CPLANE1: variants seen among roughly 807,000 people sequenced by gnomAD.
CPLANE1 encodes the protein ciliogenesis and planar polarity effector 1.
A neutral mutation model predicts 362.5 loss-of-function variants in CPLANE1; 263 were observed. That is an observed-to-expected ratio of 0.73 (90% CI 0.66 to 0.80). CPLANE1 has a LOEUF of 0.80. Ranked by LOEUF, CPLANE1 falls within the 30% of genes least tolerant of loss-of-function variation. CPLANE1 has a pLI of 0.00. For missense variants in CPLANE1, 3,461 were observed against 3,793.4 expected (o/e 0.91, Z 2.30); for synonymous variants, 1,212 against 1,302.6 (o/e 0.93, Z 1.50).
chr5:37,130,949 T>C (rs1319014973), intron 46 of CPLANE1, among the ~76,000 whole-genome samples: 1 of 152,246 alleles, frequency 6.6e-6, no homozygotes, highest in Admixed American at 6.5e-5. Flanking sequence ...ATCTGTTCAC[T>C]GAAACAGTTA....
chr5:37,096,927 A>G, the CPLANE1 span, among the ~76,000 whole-genome samples: 22 of 152,220 alleles, frequency 1.4e-4, no homozygotes, highest in Non-Finnish European at 3.1e-4. Flanking sequence ...GCGTGGATGC[A>G]GTGAACAGGG....
At chr5:37,196,581 T>C (rs1787520078) in intron 20 of CPLANE1, among the ~76,000 whole-genome samples, 1 of 152,106 alleles carries the variant, frequency 6.6e-6, no homozygotes, top group South Asian at 2.1e-4. Flanking sequence ...AGCAAACACA[T>C]GTGCCATGTG....
In CPLANE1 at chr5:37,157,431, A is replaced by G. The variant is rs1775440273; in HGVS notation, c.8012-11T>C. On this transcript the variant is annotated splice_polypyrimidine_tract_variant and intron_variant, in intron 40 of 52. Coordinates refer to ENST00000651892, the MANE Select transcript of CPLANE1 (RefSeq NM_001384732.1). ...AAGCTGGAGTTACTTCTGCAGGTTT[A>G]GAAAATAAATCCATAGAGGAATTGG... is the stretch of plus-strand genomic sequence containing the variant. 2.7e-6 allele frequency: 4 copies of G among 1,492,120 alleles called. No homozygotes were observed. Among genetic ancestry groups the G allele is most frequent in the Non-Finnish European group, 3.6e-6 (4 of 1,110,508 alleles). 92.4% of individuals were successfully genotyped at this position (1,492,120 alleles called of 1,614,324 possible).
intron 16 of CPLANE1, chr5:37,210,792 C>T: frequency 8.4e-7 from 1 of 1,192,310 alleles, no homozygotes; most frequent in South Asian, 1.2e-5. Flanking sequence ...TCAGCTGGCT[C>T]CTGAACTTGC....
chr5:37,107,799 T>C (rs1240707673), intron 52 of CPLANE1, 21 bp from the exon 53 acceptor site: 6 of 1,575,404 alleles, frequency 3.8e-6, no homozygotes, highest in Non-Finnish European at 4.3e-6. Flanking sequence ...GAAAAGACAA[T>C]TGTGGTCCTA....
the CPLANE1 span, among the ~76,000 whole-genome samples, chr5:37,093,783 A>G: frequency 1.9e-4 from 29 of 152,288 alleles, no homozygotes; most frequent in East Asian, 3.9e-4. Flanking sequence ...GTTCAGTCAG[A>G]ATGGTGGGGA....
At chr5:37,153,018 A>G (rs936903960) in intron 42 of CPLANE1, among the ~76,000 whole-genome samples, 1 of 152,214 alleles carries the variant, frequency 6.6e-6, no homozygotes, top group Non-Finnish European at 1.5e-5. Context: ...AAATTATAAA[A>G]TCTTTCAGAG....
intron 46 of CPLANE1, among the ~76,000 whole-genome samples, chr5:37,137,453 C>T (rs1227880326): frequency 1.3e-5 from 2 of 152,190 alleles, no homozygotes; most frequent in African/African-American, 4.8e-5. Flanking sequence ...GCCTGTTACC[C>T]AGTTCCAAAG....
the CPLANE1 span, among the ~76,000 whole-genome samples, chr5:37,092,266 C>A: frequency 6.6e-6 from 1 of 152,180 alleles, no homozygotes; most frequent in Non-Finnish European, 1.5e-5. Flanking sequence ...CACTACATAT[C>A]ACTCCACTAT....
In CPLANE1 at chr5:37,224,646, C is replaced by T; in HGVS notation, c.2386G>A (p.Glu796Lys). 6.4e-7 allele frequency: 1 copy of T among 1,551,466 alleles called. No homozygotes were observed. The highest frequency in any genetic ancestry group is 1.2e-5 in the South Asian group (1 of 84,052). Residue 796 changes from glutamate to lysine, a missense_variant, in exon 13 of 53, where the codon GAA (glutamate) becomes AAA (lysine). Physicochemically the swap from Glu to Lys is moderately conservative, Grantham distance 56. Coordinates refer to ENST00000651892, the MANE Select transcript of CPLANE1 (RefSeq NM_001384732.1). The stretch of plus-strand genomic sequence containing the variant: ...GTAGATGCTTCATGTGTCATCTTTT[C>T]AGTTAACTGACTATCAGCTTCAGGA... ...RVPEADSQLTEKMTHEASTVK... is the reference protein window; with the variant it reads ...RVPEADSQLTKKMTHEASTVK...
At chr5:37,135,442 CTT>C (rs574624827) in intron 46 of CPLANE1, among the ~76,000 whole-genome samples, 225 of 152,212 alleles carry the variant, frequency 1.5e-3, no homozygotes, top group Middle Eastern at 0.01. Flanking sequence ...CCTCAAGAAA[CTT>C]ATAATCATCG....
intron 46 of CPLANE1, among the ~76,000 whole-genome samples, chr5:37,128,885 C>T (rs1764991697): frequency 6.6e-6 from 1 of 151,690 alleles, no homozygotes; most frequent in Non-Finnish European, 1.5e-5. Flanking sequence ...AATCATCATT[C>T]TTCACCGAAC....
At chr5:37,176,445 G>A (rs1343640737) in intron 30 of CPLANE1, among the ~76,000 whole-genome samples, 2 of 152,032 alleles carry the variant, frequency 1.3e-5, no homozygotes, top group East Asian at 3.9e-4. Context: ...AGACCAGCCT[G>A]GGTGACATGG....
At chr5:37,092,415 T>C in the CPLANE1 span, among the ~76,000 whole-genome samples, 46 of 152,366 alleles carry the variant, frequency 3.0e-4, no homozygotes, top group African/African-American at 1.0e-3. Context: ...ATGCAATCAA[T>C]GCCACTTTCC....
chr5:37,089,049 G>T, the CPLANE1 span, among the ~76,000 whole-genome samples: 1 of 152,120 alleles, frequency 6.6e-6, no homozygotes, highest in African/African-American at 2.4e-5. Flanking sequence ...GGGAGCACAG[G>T]AGCCACAGGA....
intron 26 of CPLANE1, 75 bp from the exon 27 acceptor site, chr5:37,181,080 C>A: frequency 1.6e-6 from 2 of 1,255,314 alleles, no homozygotes; most frequent in Non-Finnish European, 1.1e-6. Context: ...ATTATTCATT[C>A]TTTCTACAGG....
chr5:37,158,109 G>C lies in CPLANE1; in HGVS notation c.7812+115C>G, dbSNP rs534406224. 227 of 1,196,302 alleles carry C rather than the reference G, an allele frequency of 1.9e-4. No homozygotes were observed. The South Asian group carries it at 2.9e-3, about 15-fold the overall frequency. The allele number at this position is 1,196,302 out of a possible 1,614,324, so 74.1% of individuals were successfully genotyped here. ...TTAATTTTTGAACCTTTACTACAAA[G>C]CTACATAGATGAGATTTTTAACCTC... On this transcript the variant is annotated intron_variant, in intron 39 of 52. Coordinates refer to ENST00000651892, the MANE Select transcript of CPLANE1 (RefSeq NM_001384732.1).
chr5:37,179,026 G>A (rs1781989560), intron 29 of CPLANE1, among the ~76,000 whole-genome samples: 1 of 152,194 alleles, frequency 6.6e-6, no homozygotes, highest in Admixed American at 6.5e-5. Context: ...CTCCCAAAGT[G>A]CTGGGATTAC....
At chr5:37,114,571 T>C (rs1209893898) in intron 51 of CPLANE1, among the ~76,000 whole-genome samples, 3 of 152,194 alleles carry the variant, frequency 2.0e-5, no homozygotes, top group Non-Finnish European at 4.4e-5. Flanking sequence ...CTGAAGTCTA[T>C]ATTTGAAATG....
Sources: gnomAD v4.1 joint callset for allele counts (sites outside exome capture counted in the v4.1 genomes callset) on GRCh38, gnomAD v4.1.1 for gene constraint, MANE v1.5 for transcripts, NCBI Gene and HGNC (gene_info 2026-07-23, HGNC 2026-07-21) for gene names.